Variants in HMGCLL1 observed in about 807,000 individuals in gnomAD.
HMGCLL1 encodes 3-hydroxy-3-methylglutaryl-CoA lyase like 1.
In HMGCLL1, 36 loss-of-function variants were observed where a neutral mutation model predicts 39.1. The observed-to-expected ratio is 0.92, with a 90% CI of 0.71 to 1.22. HMGCLL1 has a LOEUF of 1.22. Ranked by LOEUF, HMGCLL1 falls within the 50% of genes most tolerant of loss-of-function variation. The probability of loss-of-function intolerance (pLI) is 0.00; values close to 1 mark genes in which losing one functional copy is unlikely to be tolerated. For synonymous variants in HMGCLL1, 149 were observed against 144.0 expected (o/e 1.03, Z -0.25); for missense variants, 451 against 416.5 (o/e 1.08, Z -0.72).
intron 7 of HMGCLL1, among the ~76,000 whole-genome samples, chr6:55,489,140 C>T (rs1581847201): frequency 6.6e-6 from 1 of 151,980 alleles, no homozygotes; most frequent in Non-Finnish European, 1.5e-5. Flanking sequence ...CATAAAATTT[C>T]CTTGTAAATA....
At chr6:55,475,973 A>G (rs1256334202) in intron 7 of HMGCLL1, among the ~76,000 whole-genome samples, 2 of 151,654 alleles carry the variant, frequency 1.3e-5, no homozygotes, top group Non-Finnish European at 3.0e-5. Flanking sequence ...GCTATCACAC[A>G]TCTTAATTAT....
intron 7 of HMGCLL1, among the ~76,000 whole-genome samples, chr6:55,447,129 T>G (rs2127385956): frequency 6.6e-6 from 1 of 152,110 alleles, no homozygotes; most frequent in East Asian, 1.9e-4. Flanking sequence ...GAAGTATTAC[T>G]CGTAGTTCAG....
chr6:55,614,358 T>G, the HMGCLL1 span, among the ~76,000 whole-genome samples: 1 of 152,090 alleles, frequency 6.6e-6, no homozygotes, highest in East Asian at 1.9e-4. Context: ...GTTAAGGATA[T>G]AATAAGAAGC....
At chr6:55,627,913 A>ATATATAG in the HMGCLL1 span, among the ~76,000 whole-genome samples, 1 of 1,178 alleles carries the variant, frequency 8.5e-4, no homozygotes, top group Middle Eastern at 0.12. Context: ...TATATACTAT[A>ATATATAG]TATATATAAT....
the HMGCLL1 span, among the ~76,000 whole-genome samples, chr6:55,622,337 G>T: frequency 4.5e-4 from 69 of 152,020 alleles, no homozygotes; most frequent in African/African-American, 1.6e-3. Context: ...TGGCATCCTC[G>T]CTGTGTTCCA....
At chr6:55,467,229 G>A (rs1245100730) in intron 7 of HMGCLL1, among the ~76,000 whole-genome samples, 1 of 152,024 alleles carries the variant, frequency 6.6e-6, no homozygotes, top group Non-Finnish European at 1.5e-5. Flanking sequence ...TAAGACACGT[G>A]TAAAAACATT....
chr6:55,550,435 G>A (rs1334957613), intron 1 of HMGCLL1, among the ~76,000 whole-genome samples: 4 of 151,862 alleles, frequency 2.6e-5, no homozygotes, highest in Non-Finnish European at 5.9e-5. Flanking sequence ...ACTCACTGAA[G>A]CCTCTGTTGT....
the HMGCLL1 span, among the ~76,000 whole-genome samples, chr6:55,670,710 T>C: frequency 6.6e-6 from 1 of 151,756 alleles, no homozygotes; most frequent in East Asian, 1.9e-4. Context: ...AAAGATACAT[T>C]ATGAAAATTA....
chr6:55,458,808 AC>A (rs1188701518), intron 7 of HMGCLL1, among the ~76,000 whole-genome samples: 1 of 152,180 alleles, frequency 6.6e-6, no homozygotes, highest in Non-Finnish European at 1.5e-5. Flanking sequence ...CTTCCATATC[AC>A]AAAAGACTTT....
At chr6:55,643,320 A>G in the HMGCLL1 span, among the ~76,000 whole-genome samples, 690 of 152,108 alleles carry the variant, frequency 4.5e-3, 6 homozygotes, top group African/African-American at 0.016. Context: ...TGACTGTTCA[A>G]TAATAGCTAT....
At chr6:55,476,287 T>C (rs1211621069) in intron 7 of HMGCLL1, among the ~76,000 whole-genome samples, 2 of 151,730 alleles carry the variant, frequency 1.3e-5, no homozygotes, top group Non-Finnish European at 3.0e-5. Context: ...ATAACATGTC[T>C]GTTGTTAAAT....
chr6:55,558,845 C>T (rs998142789), intron 1 of HMGCLL1, among the ~76,000 whole-genome samples: 6 of 152,172 alleles, frequency 3.9e-5, no homozygotes, highest in Admixed American at 3.3e-4. Flanking sequence ...AATGATTCCA[C>T]CATGACCAGA....
the HMGCLL1 span, among the ~76,000 whole-genome samples, chr6:55,638,278 G>A: frequency 6.6e-6 from 1 of 151,752 alleles, no homozygotes; most frequent in Non-Finnish European, 1.5e-5. Flanking sequence ...GTGGTGGCGG[G>A]CGCTTGTAAT....
chr6:55,664,765 G>T, the HMGCLL1 span, among the ~76,000 whole-genome samples: 3 of 151,762 alleles, frequency 2.0e-5, no homozygotes, highest in South Asian at 6.2e-4. Flanking sequence ...TCAAAACTTT[G>T]CTAGGGCTAA....
intron 1 of HMGCLL1, among the ~76,000 whole-genome samples, chr6:55,578,630 A>C (rs1771872651): frequency 6.6e-6 from 1 of 152,238 alleles, no homozygotes; most frequent in African/African-American, 2.4e-5. Flanking sequence ...AATACCTATG[A>C]ATACAAATTG....
intron 3 of HMGCLL1, among the ~76,000 whole-genome samples, chr6:55,531,544 A>C (rs1768675680): frequency 6.6e-6 from 1 of 152,158 alleles, no homozygotes; most frequent in African/African-American, 2.4e-5. Flanking sequence ...CAAAATTGAC[A>C]AACATGATGA....
Position 55,514,085 on chromosome 6 carries a change from C to T in HMGCLL1, c.505G>A (p.Val169Ile). 5 of 1,613,096 alleles carry T rather than the reference C, an allele frequency of 3.1e-6. No homozygotes were observed. The highest frequency in any genetic ancestry group is 4.2e-6 in the Non-Finnish European group (5 of 1,179,574). The change falls in exon 5 of 9, where the codon GTT becomes ATT. Residue 169 changes from valine (V) to isoleucine (I), a missense_variant. Physicochemically the swap from Val to Ile is conservative, Grantham distance 29. Coordinates refer to ENST00000274901, the MANE Select transcript of HMGCLL1 (RefSeq NM_001042406.2). Reference protein sequence around the residue: ...EESMGKFEEVVKSARHMNIPA... With the variant: ...EESMGKFEEVIKSARHMNIPA... ...ATATTCATGTGTCTTGCAGACTTAACAACCTCCTCAAATTTTCCCATACTT... is the reference window on the plus strand; with the variant it reads ...ATATTCATGTGTCTTGCAGACTTAATAACCTCCTCAAATTTTCCCATACTT...
chr6:55,646,363 T>C, the HMGCLL1 span, among the ~76,000 whole-genome samples: 2 of 151,780 alleles, frequency 1.3e-5, no homozygotes. Flanking sequence ...TAATCTTTTA[T>C]ATTGTTTTCT....
At chr6:55,439,908 T>G (rs1763526612) in intron 7 of HMGCLL1, among the ~76,000 whole-genome samples, 1 of 152,184 alleles carries the variant, frequency 6.6e-6, no homozygotes, top group Non-Finnish European at 1.5e-5. Flanking sequence ...TTCTCTAACT[T>G]TATTCTAAAA....
Sources: gnomAD v4.1 joint callset for allele counts (sites outside exome capture counted in the v4.1 genomes callset) on GRCh38, gnomAD v4.1.1 for gene constraint, MANE v1.5 for transcripts, NCBI Gene and HGNC (gene_info 2026-07-23, HGNC 2026-07-21) for gene names.